The following SEC22C variants were observed in gnomAD, a reference collection of about 807,000 sequenced individuals.
SEC22C encodes SEC22 homolog C, vesicle trafficking protein.
Under a neutral mutation model 34.7 loss-of-function variants are expected in SEC22C, and 29 were observed. The ratio of observed to expected loss-of-function variants is 0.84; its 90% CI spans 0.62 to 1.14. The LOEUF (loss-of-function observed/expected upper bound fraction) is 1.14, where lower values mean the gene tolerates loss of function less well. Ranked by LOEUF, SEC22C falls within the 50% of genes most tolerant of loss-of-function variation. SEC22C has a pLI of 0.00. For missense variants in SEC22C, 337 were observed against 369.0 expected, an observed-to-expected ratio of 0.91 and a Z score of 0.71; for synonymous variants, 117 against 132.8, an observed-to-expected ratio of 0.88 and a Z score of 0.82.
intron 4 of SEC22C, among the ~76,000 whole-genome samples, chr3:42,560,135 T>C (rs1393494147): frequency 7.0e-6 from 1 of 143,426 alleles, no homozygotes; most frequent in African/African-American, 2.6e-5. Context: ...TATATATATA[T>C]ATAAATAATA....
At chr3:42,581,358 G>A (rs1437933632) in intron 1 of SEC22C, 1 of 152,188 alleles carries the variant, frequency 6.6e-6, no homozygotes, top group Non-Finnish European at 1.5e-5. Context: ...GGAGGTACAT[G>A]TGTAAATCTG....
intron 1 of SEC22C, among the ~76,000 whole-genome samples, chr3:42,574,649 A>G (rs1703851002): frequency 6.6e-6 from 1 of 152,180 alleles, no homozygotes; most frequent in African/African-American, 2.4e-5. Flanking sequence ...ACAATTATAA[A>G]TGGGAGGGTT....
Position 42,552,356 on chromosome 3 carries a change from T to A in SEC22C, c.*892A>T, listed in dbSNP as rs1196881141. 2.0e-6 allele frequency: 2 copies of A among 985,276 alleles called. No individual in the cohort carries two copies. Among genetic ancestry groups the A allele is most frequent in the Middle Eastern group, 5.2e-4 (1 of 1,936 alleles). The allele number at this position is 985,276 out of a possible 1,614,324, so 61.0% of individuals were successfully genotyped here. On this transcript the variant is annotated 3_prime_UTR_variant, in exon 7 of 7. Coordinates refer to ENST00000264454, the MANE Select transcript of SEC22C (RefSeq NM_032970.4). ...AGGCACTCAGCTCTACTGAAAAGGC[T>A]GATGACAGCAGCCCCTCCCAAGCGG...
At chr3:42,591,007 C>T (rs1330078219) in intron 1 of SEC22C, 3 of 1,554,750 alleles carry the variant, frequency 1.9e-6, no homozygotes, top group Non-Finnish European at 8.7e-7. Flanking sequence ...GGAGAGAAGT[C>T]GGGATCCCGA....
intron 4 of SEC22C, 32 bp from the exon 5 acceptor site, chr3:42,557,728 G>T (rs368082906): frequency 6.2e-5 from 70 of 1,126,152 alleles, no homozygotes; most frequent in Middle Eastern, 2.0e-4. Context: ...AGTGTCTAGT[G>T]TAAGTAATTT....
Position 42,561,107 on chromosome 3 carries a change from A to G in SEC22C, c.526+10T>C, listed in dbSNP as rs1416027906. ...ACTTCATCAACATCAGGGAACAACA[A>G]GCCACTTACCAGGCTCCAAGTGCAT... is the stretch of plus-strand genomic sequence containing the variant. On this transcript the variant is annotated intron_variant, in intron 4 of 6. Coordinates refer to ENST00000264454, the MANE Select transcript of SEC22C (RefSeq NM_032970.4). The G allele has an allele frequency of 6.2e-7, 1 of 1,607,934 alleles. No individual in the cohort carries two copies. The highest frequency in any genetic ancestry group is 8.5e-7 in the Non-Finnish European group (1 of 1,175,198).
intron 1 of SEC22C, among the ~76,000 whole-genome samples, chr3:42,572,914 G>A (rs897753867): frequency 2.0e-5 from 3 of 152,180 alleles, no homozygotes; most frequent in African/African-American, 7.2e-5. Flanking sequence ...TCCCAGGCTA[G>A]AATACAGCAG....
chr3:42,573,238 C>T lies in SEC22C; in HGVS notation c.-27-4165G>A, dbSNP rs374431112. ...GGAGATTCTAGAATTAAAAATAAAC[C>T]GAGGAGGCCAGGCACGATGGCTCAT... On this transcript the variant is annotated intron_variant, in intron 1 of 6. Transcript: ENST00000264454. 1.6e-3 allele frequency among the ~76,000 whole-genome samples: 245 copies of T among 152,220 alleles called. 1 individual carries two copies. Among genetic ancestry groups the T allele is most frequent in the African/African-American group, 5.7e-3 (237 of 41,540 alleles).
chr3:42,587,998 C>T (rs807863), intron 1 of SEC22C, among the ~76,000 whole-genome samples: 37,199 of 148,636 alleles, frequency 0.25, 5,127 homozygotes, highest in East Asian at 0.48. Flanking sequence ...GCTGGAACCC[C>T]GGAGGTGGAG....
intron 6 of SEC22C, among the ~76,000 whole-genome samples, chr3:42,554,562 ACTC>A (rs1247141193): frequency 6.6e-6 from 1 of 151,696 alleles, no homozygotes. Context: ...CTGGTCTTGA[ACTC>A]CTGGCCTCAA....
At chr3:42,579,405 C>T (rs1028298217) in intron 1 of SEC22C, 4 of 149,040 alleles carry the variant, frequency 2.7e-5, no homozygotes, top group African/African-American at 9.9e-5. Context: ...AATTTGAGAC[C>T]AGCCTGGGCA....
At chr3:42,553,483 G>C (rs761375183) in intron 6 of SEC22C, 35 bp from the exon 7 acceptor site, 1 of 1,602,336 alleles carries the variant, frequency 6.2e-7, no homozygotes, top group Non-Finnish European at 8.5e-7. Flanking sequence ...TCCAATCAGA[G>C]ATAAAATGGC....
At chr3:42,588,267 G>C (rs2125737803) in intron 1 of SEC22C, among the ~76,000 whole-genome samples, 2 of 151,532 alleles carry the variant, frequency 1.3e-5, no homozygotes, top group Middle Eastern at 3.4e-3. Flanking sequence ...AGCTGGGCAT[G>C]GTGGCTTATG....
At position 42,550,092 on chromosome 3, in the gene SEC22C, C is replaced by A; in HGVS notation, c.*3156G>T. On this transcript the variant is annotated 3_prime_UTR_variant, in exon 7 of 7. Transcript: ENST00000264454. ...ATTAGCATATTAGGGAAGGGGAAAC[C>A]TTTTGGGCTCTGGCCCCGTGGTTGG... is the stretch of plus-strand genomic sequence containing the variant. The A allele has an allele frequency of 1.0e-6, 1 of 985,470 alleles. No individual in the cohort carries two copies. The highest frequency in any genetic ancestry group is 1.2e-6 in the Non-Finnish European group (1 of 829,964). The allele number at this position is 985,470 out of a possible 1,614,324, so 61.0% of individuals were successfully genotyped here. A position where few individuals can be genotyped will look rare whatever the true frequency, so the allele number is the denominator to read the frequency against.
At chr3:42,556,113 T>C in intron 5 of SEC22C, 118 bp from the exon 6 acceptor site, 1 of 726,346 alleles carries the variant, frequency 1.4e-6, no homozygotes, top group East Asian at 2.8e-5. Flanking sequence ...AATCCCTGGC[T>C]GGGTGAGACA....
intron 1 of SEC22C, chr3:42,590,722 T>G: frequency 1.4e-6 from 1 of 702,280 alleles, no homozygotes; most frequent in African/African-American, 1.8e-5. Flanking sequence ...CCCCCGGCGT[T>G]CTGGGGGCTG....
At chr3:42,556,075 C>T (rs1237161497) in intron 5 of SEC22C, 80 bp from the exon 6 acceptor site, 1 of 1,091,910 alleles carries the variant, frequency 9.2e-7, no homozygotes, top group Non-Finnish European at 1.4e-6. Flanking sequence ...TTTACTCTGC[C>T]TTCTGTCTGG....
At chr3:42,581,068 C>A (rs1181008107) in intron 1 of SEC22C, among the ~76,000 whole-genome samples, 1 of 152,234 alleles carries the variant, frequency 6.6e-6, no homozygotes, top group African/African-American at 2.4e-5. Flanking sequence ...CCAAAATGTA[C>A]TTTCCAGAGG....
At chr3:42,555,161 T>C (rs1002427898) in intron 6 of SEC22C, among the ~76,000 whole-genome samples, 1 of 151,906 alleles carries the variant, frequency 6.6e-6, no homozygotes, top group Admixed American at 6.6e-5. Flanking sequence ...CTGGCTAACA[T>C]GGTGAAACCC....
Sources: gnomAD v4.1 joint callset for allele counts (sites outside exome capture counted in the v4.1 genomes callset) on GRCh38, gnomAD v4.1.1 for gene constraint, MANE v1.5 for transcripts, NCBI Gene and HGNC (gene_info 2026-07-23, HGNC 2026-07-21) for gene names.